Variants in LYRM7 observed in about 807,000 individuals in gnomAD.
LYRM7 encodes the protein complex III assembly factor LYRM7.
A neutral mutation model predicts 15.8 loss-of-function variants in LYRM7; 9 were observed. That is an observed-to-expected ratio of 0.57 (90% CI 0.34 to 0.99). The LOEUF is 0.99. LYRM7 is among the 50% of genes least tolerant of loss of function. The probability of loss-of-function intolerance (pLI) is 0.02; values close to 1 mark genes in which losing one functional copy is unlikely to be tolerated. For missense variants in LYRM7, 115 were observed against 119.1 expected, an observed-to-expected ratio of 0.97 and a Z score of 0.16; for synonymous variants, 39 against 39.4, an observed-to-expected ratio of 0.99 and a Z score of 0.04.
At chr5:131,175,282 C>G (rs563355777) in intron 1 of LYRM7, among the ~76,000 whole-genome samples, 1 of 151,042 alleles carries the variant, frequency 6.6e-6, no homozygotes, top group African/African-American at 2.5e-5. Context: ...TCACCACAAC[C>G]CCTGCCTCCC....
intron 4 of LYRM7, among the ~76,000 whole-genome samples, chr5:131,198,532 G>A (rs1756007249): frequency 1.3e-5 from 2 of 152,122 alleles, no homozygotes; most frequent in South Asian, 4.1e-4. Flanking sequence ...CTGGAGAAAA[G>A]AAGAAGAAAT....
At position 131,175,381 on chromosome 5, in the gene LYRM7, T is replaced by C. The variant is rs190120880; in HGVS notation, c.18+4343T>C. Among the ~76,000 whole-genome samples the C allele has an allele frequency of 1.2e-3, 187 of 151,278 alleles. 1 individual carries two copies. Among genetic ancestry groups the C allele is most frequent in the African/African-American group, 4.3e-3 (179 of 41,204 alleles). On this transcript the variant is annotated intron_variant, in intron 1 of 4. Transcript: ENST00000379380. ...TGCCCGGCTAATTTTGTATTTTTAG[T>C]AGAGATGGGGTTTCTCCATGTTGGT... is the stretch of plus-strand genomic sequence containing the variant.
Position 131,176,520 on chromosome 5 carries a change from G to GTT in LYRM7, c.19-3563_19-3562dup, listed in dbSNP as rs60566113. 1.7e-3 allele frequency among the ~76,000 whole-genome samples: 245 copies of GTT among 140,788 alleles called. 1 individual carries two copies. The highest frequency in any genetic ancestry group is 3.7e-3 in the Middle Eastern group (1 of 268). The allele number at this position is 140,788 out of a possible 152,430, so 92.4% of individuals were successfully genotyped here. ...TTTATGGCTTATTGGCCATTTATGGGTTTTTTTTTTTTTGGAAGAAATATC... is the reference window on the plus strand; with the variant it reads ...TTTATGGCTTATTGGCCATTTATGGGTTTTTTTTTTTTTTTGGAAGAAATATC... On this transcript the variant is annotated intron_variant, in intron 1 of 4. Transcript: ENST00000379380.
At chr5:131,179,022 A>G (rs1755643197) in intron 1 of LYRM7, among the ~76,000 whole-genome samples, 1 of 151,636 alleles carries the variant, frequency 6.6e-6, no homozygotes, top group Non-Finnish European at 1.5e-5. Flanking sequence ...TGTTTAAAAC[A>G]TCTTCCTTCT....
In LYRM7 at chr5:131,205,130, T is replaced by C. The variant is rs1756156730; in HGVS notation, c.*5529T>C. 1 of 152,328 alleles carries C rather than the reference T, an allele frequency of 6.6e-6. No homozygotes were observed. Among genetic ancestry groups the C allele is most frequent in the South Asian group, 2.1e-4 (1 of 4,832 alleles). The allele number at this position is 152,328 out of a possible 1,614,324, so 9.4% of individuals were successfully genotyped here. A position where few individuals can be genotyped will look rare whatever the true frequency, so the allele number is the denominator to read the frequency against. ...TTGTTTAAAGGTCTAAGTCATAAAATCTTATAAAGCTAAACCCCACCCTTC... is the reference window on the plus strand; with the variant it reads ...TTGTTTAAAGGTCTAAGTCATAAAACCTTATAAAGCTAAACCCCACCCTTC... On this transcript the variant is annotated 3_prime_UTR_variant, in exon 5 of 5. Coordinates refer to ENST00000379380, the MANE Select transcript of LYRM7 (RefSeq NM_181705.4).
At chr5:131,176,755 G>A (rs571680031) in intron 1 of LYRM7, among the ~76,000 whole-genome samples, 72 of 151,792 alleles carry the variant, frequency 4.7e-4, no homozygotes, top group African/African-American at 1.7e-3. Context: ...CTCCCTTTTG[G>A]CGTTCTATCC....
At chr5:131,187,195 A>G in intron 4 of LYRM7, 86 bp downstream of exon 4, 2 of 745,868 alleles carry the variant, frequency 2.7e-6, no homozygotes, top group Non-Finnish European at 4.5e-6. Flanking sequence ...GCTGAGTGAT[A>G]AAACAGCTTG....
At chr5:131,190,735 C>T (rs1199440494) in intron 4 of LYRM7, among the ~76,000 whole-genome samples, 1 of 152,170 alleles carries the variant, frequency 6.6e-6, no homozygotes, top group Non-Finnish European at 1.5e-5. Context: ...AGGTGATCCA[C>T]CTGCCTCAGC....
intron 4 of LYRM7, among the ~76,000 whole-genome samples, chr5:131,190,158 A>T (rs1248503877): frequency 6.6e-6 from 1 of 151,472 alleles, no homozygotes; most frequent in Non-Finnish European, 1.5e-5. Flanking sequence ...AAGAAAAGAA[A>T]AAAAAAGAAA....
chr5:131,197,009 A>T (rs1395400580), intron 4 of LYRM7, among the ~76,000 whole-genome samples: 1 of 152,170 alleles, frequency 6.6e-6, no homozygotes, highest in Non-Finnish European at 1.5e-5. Flanking sequence ...TACTTATTTA[A>T]ACCAGCTTTT....
At chr5:131,193,411 G>A (rs6891199) in intron 4 of LYRM7, among the ~76,000 whole-genome samples, 14,060 of 152,208 alleles carry the variant, frequency 0.092, 1,446 homozygotes, top group African/African-American at 0.25. Flanking sequence ...AGACACATAA[G>A]CAGAGCTACA....
Position 131,170,968 on chromosome 5 carries a change from A to G in LYRM7, c.-53A>G, listed in dbSNP as rs1755507581. 1 of 1,526,702 alleles carries G rather than the reference A, an allele frequency of 6.6e-7. No homozygotes were observed. Among genetic ancestry groups the G allele is most frequent in the South Asian group, 1.3e-5 (1 of 79,906 alleles). The allele number at this position is 1,526,702 out of a possible 1,614,324, so 94.6% of individuals were successfully genotyped here. A position where few individuals can be genotyped will look rare whatever the true frequency, so the allele number is the denominator to read the frequency against. On this transcript the variant is annotated 5_prime_UTR_variant, in exon 1 of 5. Transcript: ENST00000379380. ...CAGTTCAGTCTTTGATTGGTTGCTG[A>G]GAGGCGGGGCTACTCGACTGCTCTG...
intron 4 of LYRM7, among the ~76,000 whole-genome samples, chr5:131,191,868 A>G (rs1755890885): frequency 6.6e-6 from 1 of 152,140 alleles, no homozygotes; most frequent in Non-Finnish European, 1.5e-5. Context: ...GAACTATTGC[A>G]TGATCTAGTA....
intron 2 of LYRM7, among the ~76,000 whole-genome samples, chr5:131,181,326 CACACAT>C (rs1755693910): frequency 1.9e-5 from 1 of 52,856 alleles, no homozygotes; most frequent in African/African-American, 9.0e-5. Flanking sequence ...TACACACACA[CACACAT>C]ATATATAACA....
Position 131,176,290 on chromosome 5 carries a change from T to G in LYRM7, c.19-3805T>G, listed in dbSNP as rs544583890. ...TCATAAGATAACTGTAGGTTTAACT[T>G]TTTTTAGCAACTGCCAAACTGTTTC... is the stretch of plus-strand genomic sequence containing the variant. On this transcript the variant is annotated intron_variant, in intron 1 of 4. Transcript: ENST00000379380. Among the ~76,000 whole-genome samples the G allele has an allele frequency of 3.9e-5, 6 of 152,320 alleles. No individual in the cohort carries two copies. The East Asian group carries it at 1.2e-3, about 29-fold the overall frequency.
chr5:131,194,304 AG>A (rs1199651687), intron 4 of LYRM7, among the ~76,000 whole-genome samples: 2 of 152,230 alleles, frequency 1.3e-5, no homozygotes, highest in African/African-American at 2.4e-5. Context: ...TGAATACAGA[AG>A]AATTCAGTTG....
Position 131,204,820 on chromosome 5 carries a change from C to A in LYRM7, c.*5219C>A, listed in dbSNP as rs566996600. ...AGAAAACTTTTTGTGTACATATTTG[C>A]ATATATATGTACAAATGGGTAGAAA... is the stretch of plus-strand genomic sequence containing the variant. On this transcript the variant is annotated 3_prime_UTR_variant, in exon 5 of 5. Transcript: ENST00000379380. 4 of 151,692 alleles carry A rather than the reference C, an allele frequency of 2.6e-5. No homozygotes were observed. Among genetic ancestry groups the A allele is most frequent in the East Asian group, 3.8e-4 (2 of 5,312 alleles). The allele number at this position is 151,692 out of a possible 1,614,324, so 9.4% of individuals were successfully genotyped here.
rs1371629656 is a variant in LYRM7 at position 131,202,213 on chromosome 5, G to A, written c.*2612G>A. The A allele has an allele frequency of 6.6e-6, 1 of 152,036 alleles. No individual in the cohort carries two copies. The highest frequency in any genetic ancestry group is 1.5e-5 in the Non-Finnish European group (1 of 67,992). The allele number at this position is 152,036 out of a possible 1,614,324, so 9.4% of individuals were successfully genotyped here. ...AGTTTAATTAGATAAAGTAATTCAT[G>A]GCTGGGTGTGGTGGCTCACGCCTGT... On this transcript the variant is annotated 3_prime_UTR_variant, in exon 5 of 5. Coordinates refer to ENST00000379380, the MANE Select transcript of LYRM7 (RefSeq NM_181705.4).
At chr5:131,181,316 T>TACACACAC (rs1554089874) in intron 2 of LYRM7, among the ~76,000 whole-genome samples, 1 of 27,648 alleles carries the variant, frequency 3.6e-5, no homozygotes, top group Non-Finnish European at 7.6e-5. Flanking sequence ...TATATATATA[T>TACACACAC]ACACACACAC....
Sources: allele counts gnomAD v4.1 joint callset (sites outside exome capture counted in the v4.1 genomes callset), GRCh38; gene constraint gnomAD v4.1.1; transcripts MANE v1.5; gene names NCBI Gene and HGNC (gene_info 2026-07-23, HGNC 2026-07-21).